C14orf39: variants seen among roughly 807,000 people sequenced by gnomAD.
C14orf39 encodes chromosome 14 open reading frame 39, also known as protein SIX6OS1.
Under a neutral mutation model 85.6 loss-of-function variants are expected in C14orf39, and 66 were observed. The ratio of observed to expected loss-of-function variants is 0.77; its 90% CI spans 0.63 to 0.95. The LOEUF is 0.95. C14orf39 is among the 40% of genes least tolerant of loss of function. The pLI is 0.00. For synonymous variants in C14orf39, 242 were observed against 214.0 expected (o/e 1.13, Z -1.14); for missense variants, 735 against 663.9 (o/e 1.11, Z -1.18).
At chr14:60,486,052 TGGGCTGGACTCGCTCAGCCCC>T (rs1378838368) in exon 1 of C14orf39, 1 of 152,618 alleles carries the variant, frequency 6.6e-6, no homozygotes, top group East Asian at 1.9e-4. Context: ...CCCGGAGCCC[TGGGCTGGACTCGCTCAGCCCC>T]GCCCCCACGC....
intron 5 of C14orf39, among the ~76,000 whole-genome samples, chr14:60,475,132 A>G (rs571528600): frequency 6.6e-6 from 1 of 151,952 alleles, no homozygotes; most frequent in African/African-American, 2.4e-5. Flanking sequence ...GTCTTGGGAG[A>G]GTGTATGTGT....
rs964270145 is a variant in C14orf39 at position 60,484,714 on chromosome 14, T to G, written c.106+167A>C. Among the ~76,000 whole-genome samples, 2 of 152,234 alleles carry G rather than the reference T, an allele frequency of 1.3e-5. No individual in the cohort carries two copies. The highest frequency in any genetic ancestry group is 4.8e-5 in the African/African-American group (2 of 41,472). Reference sequence around the variant, plus strand: ...GAAGTTTATTATCAAACAACTATAGTTAAGTCACATCTATTTCGTCTAGGG... The same window carrying G: ...GAAGTTTATTATCAAACAACTATAGGTAAGTCACATCTATTTCGTCTAGGG... On this transcript the variant is annotated intron_variant, in intron 3 of 17. Coordinates refer to ENST00000321731, the MANE Select transcript of C14orf39 (RefSeq NM_174978.3). This position sits in a 1 kb window ranked among gnomAD's most constrained non-coding sequence, Gnocchi z 4.2.
At chr14:60,440,049 T>A (rs1231275291) in intron 17 of C14orf39, among the ~76,000 whole-genome samples, 1 of 152,120 alleles carries the variant, frequency 6.6e-6, no homozygotes, top group Non-Finnish European at 1.5e-5. Context: ...CACTCCAGCC[T>A]GGGCAACAAG....
At chr14:60,446,375 T>C (rs1245457905) in intron 16 of C14orf39, among the ~76,000 whole-genome samples, 1 of 152,158 alleles carries the variant, frequency 6.6e-6, no homozygotes, top group Non-Finnish European at 1.5e-5. Context: ...ATATCACCAC[T>C]GATCCCACAG....
intron 5 of C14orf39, among the ~76,000 whole-genome samples, chr14:60,477,310 T>C (rs533631385): frequency 6.6e-6 from 1 of 152,336 alleles, no homozygotes; most frequent in African/African-American, 2.4e-5. Flanking sequence ...CTACCTTTTC[T>C]TAAGACTTGT....
rs111290091 is a variant in C14orf39, at chr14:60,437,136, A to G, written c.1562-89T>C. On this transcript the variant is annotated intron_variant, in intron 17 of 17. Coordinates refer to ENST00000321731, the MANE Select transcript of C14orf39 (RefSeq NM_174978.3). The stretch of plus-strand genomic sequence containing the variant: ...GAATTATAGCATACTGCATACAATA[A>G]ATATGGTAACACTGAATCAGTGTTA... 1.8e-4 allele frequency: 149 copies of G among 829,622 alleles called. No individual in the cohort carries two copies. In the African/African-American group the frequency reaches 2.1e-3, roughly 12 times the overall value. 51.4% of individuals were successfully genotyped at this position (829,622 alleles called of 1,614,324 possible).
chr14:60,471,383 TA>T, intron 7 of C14orf39, 33 bp downstream of exon 7: 1 of 1,454,214 alleles, frequency 6.9e-7, no homozygotes, highest in Non-Finnish European at 9.4e-7. Flanking sequence ...GCTTATCTAA[TA>T]AAAATTATAA....
Position 60,466,911 on chromosome 14 carries a change from T to C in C14orf39, c.895+6A>G. The C allele has an allele frequency of 2.7e-6, 4 of 1,480,082 alleles. No individual in the cohort carries two copies. The highest frequency in any genetic ancestry group is 3.6e-6 in the Non-Finnish European group (4 of 1,119,552). The allele number at this position is 1,480,082 out of a possible 1,614,324, so 91.7% of individuals were successfully genotyped here. Reference sequence around the variant, plus strand: ...GATGTTTTTGAATAACAAACAGATATTATACCTGCAACTCTTGGTTCTGAA... The same window carrying C: ...GATGTTTTTGAATAACAAACAGATACTATACCTGCAACTCTTGGTTCTGAA... On this transcript the variant is annotated splice_donor_region_variant and intron_variant, in intron 10 of 17. Transcript: ENST00000321731.
At chr14:60,509,600 C>A (rs1411196233) in intron 1 of C14orf39, 2 of 1,613,524 alleles carry the variant, frequency 1.2e-6, no homozygotes, top group Non-Finnish European at 8.5e-7. Context: ...TGGCAACTAC[C>A]GCGAGCTCTA....
intron 5 of C14orf39, among the ~76,000 whole-genome samples, chr14:60,475,980 C>T (rs1431392105): frequency 6.6e-6 from 1 of 152,072 alleles, no homozygotes; most frequent in Non-Finnish European, 1.5e-5. Flanking sequence ...GAGCAAGTTT[C>T]AAAAACTGCA....
intron 17 of C14orf39, among the ~76,000 whole-genome samples, chr14:60,437,717 G>GA (rs1298304836): frequency 2.6e-5 from 4 of 151,948 alleles, no homozygotes; most frequent in East Asian, 3.9e-4. Context: ...GGTAATGGAG[G>GA]AAAAAATGCT....
At chr14:60,511,349 G>A in intron 1 of C14orf39, 1 of 1,427,238 alleles carries the variant, frequency 7.0e-7, no homozygotes, top group East Asian at 2.3e-5. Context: ...CAAATCCAGC[G>A]CCACAGAAGC....
intron 17 of C14orf39, among the ~76,000 whole-genome samples, chr14:60,437,686 C>T (rs1890321181): frequency 6.6e-6 from 1 of 151,776 alleles, no homozygotes. Flanking sequence ...AAATGTTGAC[C>T]TTAGGTACAA....
At chr14:60,447,199 GGGC>G in intron 16 of C14orf39, among the ~76,000 whole-genome samples, 1 of 152,294 alleles carries the variant, frequency 6.6e-6, no homozygotes, top group Non-Finnish European at 1.5e-5. Flanking sequence ...GTTCTGGCCA[GGGC>G]AATCAGGCAA....
intron 1 of C14orf39, among the ~76,000 whole-genome samples, chr14:60,500,491 T>C (rs1195925104): frequency 6.6e-6 from 1 of 152,232 alleles, no homozygotes; most frequent in Non-Finnish European, 1.5e-5. Flanking sequence ...CATAAACATG[T>C]TCCTTGCTTC....
At chr14:60,474,750 C>T (rs892929513) in intron 5 of C14orf39, among the ~76,000 whole-genome samples, 8 of 151,812 alleles carry the variant, frequency 5.3e-5, no homozygotes, top group African/African-American at 1.5e-4. Flanking sequence ...AGGGATGAAG[C>T]CCACTTGATC....
At chr14:60,488,208 A>T (rs74514696), upstream of C14orf39, among the ~76,000 whole-genome samples, 732 of 152,290 alleles carry the variant, frequency 4.8e-3, 12 homozygotes, top group African/African-American at 0.017. Context: ...GAAATCTAGA[A>T]ACACCACCTT....
intron 16 of C14orf39, among the ~76,000 whole-genome samples, chr14:60,448,291 C>G (rs532752559): frequency 6.6e-6 from 1 of 151,912 alleles, no homozygotes; most frequent in African/African-American, 2.4e-5. Context: ...TGCAATCTAC[C>G]CATCTGACAA....
intron 9 of C14orf39, 96 bp from the exon 10 acceptor site, chr14:60,467,140 C>T (rs962814303): frequency 3.8e-6 from 2 of 520,540 alleles, no homozygotes; most frequent in Non-Finnish European, 5.7e-6. Context: ...TAATAAAACC[C>T]CTCGTTTTGC....
Sources: gnomAD v4.1 joint callset for allele counts (sites outside exome capture counted in the v4.1 genomes callset) on GRCh38, gnomAD v4.1.1 for gene constraint, Gnocchi (gnomAD v3.1) non-coding constraint, MANE v1.5 for transcripts, NCBI Gene and HGNC (gene_info 2026-07-23, HGNC 2026-07-21) for gene names.